Variants in THADA observed in about 807,000 individuals in gnomAD.
THADA encodes THADA armadillo repeat containing.
Under a neutral mutation model 219.8 loss-of-function variants are expected in THADA, and 213 were observed. The ratio of observed to expected loss-of-function variants is 0.97; its 90% CI spans 0.87 to 1.09. The LOEUF is 1.09. THADA is among the 50% of genes least tolerant of loss of function. The probability of loss-of-function intolerance (pLI) is 0.00; values close to 1 mark genes in which losing one functional copy is unlikely to be tolerated. For missense variants in THADA, 2,956 were observed against 2,311.3 expected (o/e 1.28, Z -5.72); for synonymous variants, 1,018 against 828.9 (o/e 1.23, Z -3.92).
At chr2:43,363,992 C>T (rs771105930) in intron 29 of THADA, among the ~76,000 whole-genome samples, 2 of 152,108 alleles carry the variant, frequency 1.3e-5, no homozygotes, top group Non-Finnish European at 2.9e-5. Flanking sequence ...GAGGCCAAGG[C>T]GGGCAGATTG....
At chr2:43,354,879 TAGAG>T (rs1668706480) in intron 29 of THADA, among the ~76,000 whole-genome samples, 1 of 152,180 alleles carries the variant, frequency 6.6e-6, no homozygotes, top group Admixed American at 6.5e-5. Context: ...GTTCTCATGA[TAGAG>T]AGTGAGTTCT....
At chr2:43,427,203 G>T (rs1678565122) in intron 28 of THADA, among the ~76,000 whole-genome samples, 1 of 152,140 alleles carries the variant, frequency 6.6e-6, no homozygotes, top group Non-Finnish European at 1.5e-5. Flanking sequence ...AGAGTGAAGA[G>T]GCAGATGTCC....
At chr2:43,255,706 C>G (rs1423319666) in intron 36 of THADA, among the ~76,000 whole-genome samples, 2 of 152,156 alleles carry the variant, frequency 1.3e-5, no homozygotes, top group Non-Finnish European at 2.9e-5. Flanking sequence ...TCCCACACAC[C>G]CCGGGAAGCT....
At chr2:43,423,046 CA>C (rs1436190679) in intron 28 of THADA, among the ~76,000 whole-genome samples, 1 of 152,186 alleles carries the variant, frequency 6.6e-6, no homozygotes, top group Non-Finnish European at 1.5e-5. Context: ...AGCATTTGCC[CA>C]ATGCCCAATT....
intron 13 of THADA, among the ~76,000 whole-genome samples, chr2:43,571,268 T>G (rs1308481711): frequency 7.5e-6 from 1 of 133,040 alleles, no homozygotes; most frequent in East Asian, 2.1e-4. Context: ...TTTTTTTTTT[T>G]GGAGACCGAG....
intron 29 of THADA, among the ~76,000 whole-genome samples, chr2:43,354,369 A>G (rs971552810): frequency 3.3e-5 from 5 of 152,064 alleles, no homozygotes; most frequent in Non-Finnish European, 5.9e-5. Flanking sequence ...TGTTATGAAC[A>G]TTCCAATTAT....
intron 26 of THADA, 130 bp downstream of exon 26, chr2:43,485,104 A>C: frequency 1.5e-6 from 1 of 653,486 alleles, no homozygotes; most frequent in South Asian, 2.2e-5. Context: ...AGGTTAATTC[A>C]TTACAGTATT....
At position 43,293,092 on chromosome 2, in the gene THADA, G is replaced by C. The variant is rs1424661599; in HGVS notation, c.4560C>G (p.Thr1520=). The part of the protein sequence containing the change: ...PGLPQYLQSL[T]RLAIAAVWAA... ...CCCACACTGCAGCAATGGCTAGTCT[G>C]GTGAGGCTCTGGAGGTACTGGGGCA... The change falls in exon 32 of 38, where the codon ACC becomes ACG. Residue 1520 remains threonine (T), a synonymous_variant. Transcript: ENST00000405975. The C allele has an allele frequency of 2.5e-6, 4 of 1,613,980 alleles. No individual in the cohort carries two copies. Among genetic ancestry groups the C allele is most frequent in the Non-Finnish European group, 3.4e-6 (4 of 1,179,898 alleles).
intron 15 of THADA, chr2:43,566,212 T>C: frequency 2.3e-6 from 1 of 437,960 alleles, no homozygotes; most frequent in East Asian, 3.6e-5. Flanking sequence ...CAAAGGGTAT[T>C]ATTAAATCAG....
chr2:43,395,241 C>G (rs893459403), intron 29 of THADA, among the ~76,000 whole-genome samples: 1 of 152,256 alleles, frequency 6.6e-6, no homozygotes, highest in Non-Finnish European at 1.5e-5. Flanking sequence ...GGCCTTCCTT[C>G]TAACTCAGAT....
In THADA at chr2:43,322,887, C is replaced by T. The variant is rs113759767; in HGVS notation, c.4344-2347G>A. 9.8e-3 allele frequency among the ~76,000 whole-genome samples: 1,494 copies of T among 151,834 alleles called. 29 individuals carry two copies. Among genetic ancestry groups the T allele is most frequent in the African/African-American group, 0.034 (1,423 of 41,426 alleles). On this transcript the variant is annotated intron_variant, in intron 30 of 37. Transcript: ENST00000405975. The stretch of plus-strand genomic sequence containing the variant: ...TGTTTTATTAGAGACGGGGTTTCAC[C>T]GTGTTAGCCAGGATGGTTTCGATCT...
intron 30 of THADA, among the ~76,000 whole-genome samples, chr2:43,327,135 G>C (rs1444635358): frequency 6.6e-6 from 1 of 152,092 alleles, no homozygotes; most frequent in Non-Finnish European, 1.5e-5. Context: ...CATGGAGGAA[G>C]GCTCTAGAGG....
chr2:43,250,075 A>C (rs1210419234), intron 36 of THADA, among the ~76,000 whole-genome samples: 1 of 152,252 alleles, frequency 6.6e-6, no homozygotes, highest in African/African-American at 2.4e-5. Flanking sequence ...AACTGAAAGC[A>C]GTACCCAAAT....
intron 26 of THADA, among the ~76,000 whole-genome samples, chr2:43,464,373 GAATC>G (rs1364866804): frequency 6.6e-6 from 1 of 151,862 alleles, no homozygotes; most frequent in Non-Finnish European, 1.5e-5. Flanking sequence ...TTACTTTTTT[GAATC>G]AATCAATGAA....
At chr2:43,541,443 T>G (rs1341195751) in intron 20 of THADA, 127 bp from the exon 21 acceptor site, 1 of 1,056,820 alleles carries the variant, frequency 9.5e-7, no homozygotes, top group East Asian at 2.4e-5. Flanking sequence ...CATGTTATAT[T>G]TACTCAGAAG....
chr2:43,491,866 C>T (rs979847602), intron 25 of THADA, among the ~76,000 whole-genome samples: 1 of 152,178 alleles, frequency 6.6e-6, no homozygotes, highest in Non-Finnish European at 1.5e-5. Flanking sequence ...TCCTGACCTC[C>T]TTCTCCATCA....
At chr2:43,494,706 T>C (rs1346075425) in intron 25 of THADA, among the ~76,000 whole-genome samples, 1 of 151,874 alleles carries the variant, frequency 6.6e-6, no homozygotes, top group Non-Finnish European at 1.5e-5. Context: ...ATTATGATTA[T>C]GTGTTATCTA....
intron 8 of THADA, among the ~76,000 whole-genome samples, chr2:43,579,550 T>G (rs889080233): frequency 5.3e-5 from 8 of 152,174 alleles, no homozygotes; most frequent in Non-Finnish European, 8.8e-5. Flanking sequence ...TCATCACTGA[T>G]AAGAAAACTG....
intron 26 of THADA, among the ~76,000 whole-genome samples, chr2:43,456,428 A>G (rs1439397670): frequency 6.6e-6 from 1 of 152,196 alleles, no homozygotes; most frequent in African/African-American, 2.4e-5. Context: ...TGGGGTGGGA[A>G]TGAGGAAATG....
Sources: allele counts gnomAD v4.1 joint callset (sites outside exome capture counted in the v4.1 genomes callset), GRCh38; gene constraint gnomAD v4.1.1; transcripts MANE v1.5; gene names NCBI Gene and HGNC (gene_info 2026-07-23, HGNC 2026-07-21).